Variants in MYCBPAP observed in about 807,000 individuals in gnomAD.
MYCBPAP encodes MYCBP associated protein.
A neutral mutation model predicts 106.1 loss-of-function variants in MYCBPAP; 60 were observed. The ratio of observed to expected loss-of-function variants is 0.57; its 90% CI spans 0.46 to 0.70. The LOEUF (loss-of-function observed/expected upper bound fraction) is 0.70. Among genes scored for constraint, MYCBPAP ranks in the 30% least tolerant of loss-of-function variants. MYCBPAP has a pLI of 0.00. For missense variants in MYCBPAP, 1,064 were observed against 1,169.3 expected (o/e 0.91, Z 1.31); for synonymous variants, 407 against 440.6 (o/e 0.92, Z 0.95).
At chr17:50,527,869 C>G (rs574264253) in intron 15 of MYCBPAP, among the ~76,000 whole-genome samples, 2 of 152,314 alleles carry the variant, frequency 1.3e-5, no homozygotes, top group African/African-American at 4.8e-5. Flanking sequence ...CGACTGGACC[C>G]AAGTCTGGCC....
intron 12 of MYCBPAP, 140 bp from the exon 13 acceptor site, chr17:50,524,737 T>TGTGTGTGTGTGTGTGAGA (rs373928628): frequency 0.013 from 6,030 of 462,646 alleles, 155 homozygotes; most frequent in African/African-American, 0.077. Context: ...TGTGTGTGTG[T>TGTGTGTGTGTGTGTGAGA]GAGAGAGAGA....
At position 50,521,175 on chromosome 17, in the gene MYCBPAP, C is replaced by G. The variant is rs142657039; in HGVS notation, c.982C>G (p.Arg328Gly). The G allele has an allele frequency of 6.2e-7, 1 of 1,613,634 alleles. No homozygotes were observed. Among genetic ancestry groups the G allele is most frequent in the Non-Finnish European group, 8.5e-7 (1 of 1,179,940 alleles). Residue 328 changes from arginine to glycine, a missense_variant, in exon 8 of 19, where the codon CGA (arginine) becomes GGA (glycine). Coordinates refer to ENST00000323776, the MANE Select transcript of MYCBPAP (RefSeq NM_032133.6). ...TWDRSLFLIY[R>G]RKELQRIMEE... Reference sequence around the variant, plus strand: ...GGATCGGAGTCTGTTTCTGATCTACCGACGCAAGGAGCTGCAGAGAATCAT... The same window carrying G: ...GGATCGGAGTCTGTTTCTGATCTACGGACGCAAGGAGCTGCAGAGAATCAT...
chr17:50,520,887 C>A, intron 7 of MYCBPAP: 3 of 521,768 alleles, frequency 5.7e-6, no homozygotes, highest in South Asian at 2.3e-5. Flanking sequence ...TTATTATAAT[C>A]CAAAGATTTG....
intron 16 of MYCBPAP, 25 bp downstream of exon 16, chr17:50,528,295 A>C: frequency 6.5e-7 from 1 of 1,548,250 alleles, no homozygotes; most frequent in Non-Finnish European, 8.9e-7. Flanking sequence ...AACCAACCAC[A>C]CCTCTGCATA....
chr17:50,526,867 C>A (rs1567895720), intron 14 of MYCBPAP, among the ~76,000 whole-genome samples: 1 of 152,218 alleles, frequency 6.6e-6, no homozygotes, highest in Non-Finnish European at 1.5e-5. Flanking sequence ...AGGCGTGAGC[C>A]ACCACGCCAG....
At chr17:50,507,826 G>A (rs2033673203), upstream of MYCBPAP, among the ~76,000 whole-genome samples, 1 of 152,202 alleles carries the variant, frequency 6.6e-6, no homozygotes, top group African/African-American at 2.4e-5. Flanking sequence ...CTGAGAGCCA[G>A]TTTGACAATA....
chr17:50,522,929 C>T lies in MYCBPAP; in HGVS notation c.1258-10C>T. The T allele has an allele frequency of 6.2e-7, 1 of 1,604,740 alleles. No homozygotes were observed. Among genetic ancestry groups the T allele is most frequent in the Non-Finnish European group, 8.5e-7 (1 of 1,172,574 alleles). ...GCAGCAAAGACATTTCTTGTCCCTC[C>T]TCCTTCCAGAGGCAGGTTGGGATTG... On this transcript the variant is annotated splice_polypyrimidine_tract_variant and intron_variant, in intron 10 of 18. Coordinates refer to ENST00000323776, the MANE Select transcript of MYCBPAP (RefSeq NM_032133.6).
Position 50,508,551 on chromosome 17 carries a change from C to T in MYCBPAP, c.-124C>T. 6.5e-7 allele frequency: 1 copy of T among 1,542,988 alleles called. No individual in the cohort carries two copies. The highest frequency in any genetic ancestry group is 1.2e-5 in the South Asian group (1 of 83,908). On this transcript the variant is annotated 5_prime_UTR_variant, in exon 1 of 19. Transcript: ENST00000323776. Reference sequence around the variant, plus strand: ...CCGCCCAAGTTGATCGGTGGATGCGCGCCCCCGCGCGGGGCACCGGTTGCT... The same window carrying T: ...CCGCCCAAGTTGATCGGTGGATGCGTGCCCCCGCGCGGGGCACCGGTTGCT...
intron 6 of MYCBPAP, 98 bp downstream of exon 6, chr17:50,519,187 A>G: frequency 2.4e-6 from 2 of 827,018 alleles, no homozygotes; most frequent in South Asian, 1.7e-5. Context: ...CTCAGGTGGC[A>G]CAGCTGGGGA....
Position 50,524,964 on chromosome 17 carries a change from C to T in MYCBPAP, c.1723C>T (p.Pro575Ser), listed in dbSNP as rs767306677. Residue 575 changes from proline to serine, a missense_variant, in exon 13 of 19, where the codon CCA (proline) becomes TCA (serine). Pro to Ser is a moderately conservative substitution (Grantham distance 74, BLOSUM62 -1). Transcript: ENST00000323776. ...LMGVLTPERTPSPVDAYLTEE... is the reference protein window; with the variant it reads ...LMGVLTPERTSSPVDAYLTEE... ...GGGGGTCTTGACCCCGGAGCGCACA[C>T]CATCACCTGTGGATGCCTATCTCAC... The T allele has an allele frequency of 3.1e-6, 5 of 1,614,054 alleles. No individual in the cohort carries two copies. The Admixed American group carries it at 8.3e-5, about 27-fold the overall frequency.
chr17:50,528,279 T>A lies in MYCBPAP; in HGVS notation c.2407+9T>A. On this transcript the variant is annotated intron_variant, in intron 16 of 18. Coordinates refer to ENST00000323776, the MANE Select transcript of MYCBPAP (RefSeq NM_032133.6). ...TGTGCCTGAAGAGCAAGGTCAGATC[T>A]TGTGCAACCAACCACACCTCTGCAT... 6.2e-7 allele frequency: 1 copy of A among 1,605,660 alleles called. No homozygotes were observed. Among genetic ancestry groups the A allele is most frequent in the Non-Finnish European group, 8.5e-7 (1 of 1,173,600 alleles).
chr17:50,509,155 G>A (rs1326429775), intron 1 of MYCBPAP: 2 of 702,900 alleles, frequency 2.8e-6, no homozygotes, highest in East Asian at 5.4e-5. Flanking sequence ...AAAGAATGAA[G>A]TGTTGAAACC....
In MYCBPAP at chr17:50,508,569, C is replaced by T; in HGVS notation, c.-106C>T. On this transcript the variant is annotated 5_prime_UTR_variant, in exon 1 of 19. Transcript: ENST00000323776. ...GGATGCGCGCCCCCGCGCGGGGCACCGGTTGCTGTGGACGCAGTGGCGGCC... is the reference window on the plus strand; with the variant it reads ...GGATGCGCGCCCCCGCGCGGGGCACTGGTTGCTGTGGACGCAGTGGCGGCC... 6.5e-6 allele frequency: 10 copies of T among 1,548,642 alleles called. No individual in the cohort carries two copies. Among genetic ancestry groups the T allele is most frequent in the Non-Finnish European group, 8.7e-6 (10 of 1,146,386 alleles).
At chr17:50,518,929 T>C (rs1253372408) in intron 5 of MYCBPAP, 45 bp from the exon 6 acceptor site, 1 of 1,576,932 alleles carries the variant, frequency 6.3e-7, no homozygotes, top group African/African-American at 1.3e-5. Flanking sequence ...GGCCCCTGTT[T>C]GTTCTGGTTC....
In MYCBPAP at chr17:50,519,845, G is replaced by C; in HGVS notation, c.916+58G>C. ...TTGTGCCTGGCCCGGAGGCAGGGTA[G>C]TGTGGAAGTGGCCAGCATAGCTCTA... On this transcript the variant is annotated intron_variant, in intron 7 of 18. Transcript: ENST00000323776. The C allele has an allele frequency of 1.9e-6, 3 of 1,565,892 alleles. No individual in the cohort carries two copies. In the Admixed American group the frequency reaches 5.6e-5, roughly 29 times the overall value.
chr17:50,508,792 G>C, intron 1 of MYCBPAP, 42 bp downstream of exon 1: 1 of 1,547,092 alleles, frequency 6.5e-7, no homozygotes, highest in East Asian at 2.3e-5. Context: ...AACCCGAGAG[G>C]GGAAGCGGTC....
In MYCBPAP at chr17:50,521,092, C is replaced by A; in HGVS notation, c.917-18C>A. ...CATGGCAGCAGCCTGTGCTGAGGGT[C>A]CTTGGACCTCATGCTAGGATTACCA... is the stretch of plus-strand genomic sequence containing the variant. On this transcript the variant is annotated intron_variant, in intron 7 of 18. Transcript: ENST00000323776. The A allele has an allele frequency of 6.2e-7, 1 of 1,600,474 alleles. No homozygotes were observed. Among genetic ancestry groups the A allele is most frequent in the South Asian group, 1.1e-5 (1 of 89,142 alleles).
chr17:50,509,449 T>G (rs2033739495), intron 1 of MYCBPAP: 1 of 308,060 alleles, frequency 3.2e-6, no homozygotes, highest in Non-Finnish European at 6.1e-6. Context: ...TCCATGGACA[T>G]GTTCTCACTT....
chr17:50,516,460 C>A, intron 1 of MYCBPAP, 110 bp from the exon 2 acceptor site: 1 of 1,306,936 alleles, frequency 7.7e-7, no homozygotes, highest in Non-Finnish European at 1.0e-6. Context: ...GTCAGCTCTG[C>A]CCCCCACCAT....
Sources: gnomAD v4.1 joint callset for allele counts (sites outside exome capture counted in the v4.1 genomes callset) on GRCh38, gnomAD v4.1.1 for gene constraint, MANE v1.5 for transcripts, NCBI Gene and HGNC (gene_info 2026-07-23, HGNC 2026-07-21) for gene names.